Variants in CDH13 observed in about 807,000 individuals in gnomAD.
CDH13 encodes the protein cadherin 13.
Under a neutral mutation model 63.8 loss-of-function variants are expected in CDH13, and 24 were observed. That is an observed-to-expected ratio of 0.38 (90% CI 0.27 to 0.53). The LOEUF (loss-of-function observed/expected upper bound fraction) is 0.53. Ranked by LOEUF, CDH13 falls within the 20% of genes least tolerant of loss-of-function variation. CDH13 has a pLI of 0.85. For synonymous variants in CDH13, 503 were observed against 355.3 expected, an observed-to-expected ratio of 1.42 and a Z score of -4.67; for missense variants, 1,049 against 903.1, an observed-to-expected ratio of 1.16 and a Z score of -2.07.
chr16:82,923,308 G>T lies in CDH13; in HGVS notation c.157+64835G>T, dbSNP rs559914655. ...AACATTTGTTCCATGAGTGAAGTGA[G>T]TTTAAGGACTGGTGTGCATGGTATG... is the stretch of plus-strand genomic sequence containing the variant. On this transcript the variant is annotated intron_variant, in intron 2 of 13. Transcript: ENST00000567109. Among the ~76,000 whole-genome samples, 7 of 152,370 alleles carry T rather than the reference G, an allele frequency of 4.6e-5. No individual in the cohort carries two copies. The East Asian group carries it at 1.4e-3, about 29-fold the overall frequency.
At chr16:83,521,094 A>T (rs950742107) in intron 7 of CDH13, among the ~76,000 whole-genome samples, 1 of 152,208 alleles carries the variant, frequency 6.6e-6, no homozygotes, top group Non-Finnish European at 1.5e-5. Context: ...TTCAGTAAAC[A>T]TATTTAGGTA....
chr16:83,798,693 G>A lies in CDH13; in HGVS notation c.*3663G>A, dbSNP rs1464396152. 6.6e-6 allele frequency: 1 copy of A among 152,172 alleles called. No homozygotes were observed. The highest frequency in any genetic ancestry group is 1.5e-5 in the Non-Finnish European group (1 of 68,048). The allele number at this position is 152,172 out of a possible 1,614,324, so 9.4% of individuals were successfully genotyped here. Reference sequence around the variant, plus strand: ...ACAAAGTGCCTACTGCAGACCGGAAGACCCTCGTTTGAAGCCTCCATTAGC... The same window carrying A: ...ACAAAGTGCCTACTGCAGACCGGAAAACCCTCGTTTGAAGCCTCCATTAGC... On this transcript the variant is annotated 3_prime_UTR_variant, in exon 14 of 14. Coordinates refer to ENST00000567109, the MANE Select transcript of CDH13 (RefSeq NM_001257.5).
At chr16:82,817,037 G>T (rs182782188) in intron 1 of CDH13, among the ~76,000 whole-genome samples, 5 of 152,212 alleles carry the variant, frequency 3.3e-5, no homozygotes, top group Admixed American at 3.3e-4. Flanking sequence ...AAGCCACTAT[G>T]CAGTTGTGAG....
intron 8 of CDH13, among the ~76,000 whole-genome samples, chr16:83,661,760 C>T (rs1001663292): frequency 2.6e-5 from 4 of 152,202 alleles, no homozygotes; most frequent in Admixed American, 6.5e-5. Flanking sequence ...CCTCAAAAGC[C>T]ATGGACTCAG....
At chr16:83,191,518 C>CAA (rs1203955635) in intron 4 of CDH13, among the ~76,000 whole-genome samples, 6 of 86,730 alleles carry the variant, frequency 6.9e-5, no homozygotes, top group Non-Finnish European at 1.1e-4. Flanking sequence ...CACACACACA[C>CAA]ACACACACAC....
intron 3 of CDH13, among the ~76,000 whole-genome samples, chr16:83,090,586 A>T (rs546271008): frequency 4.7e-5 from 7 of 149,972 alleles, no homozygotes; most frequent in Non-Finnish European, 1.0e-4. Flanking sequence ...AAAAAAAAAA[A>T]AAAATAAGTG....
chr16:83,549,980 A>G (rs2075461042), intron 7 of CDH13, among the ~76,000 whole-genome samples: 1 of 152,188 alleles, frequency 6.6e-6, no homozygotes. Context: ...TTCATATAGA[A>G]AGGAGACAGG....
At chr16:83,437,828 A>T (rs961952989) in intron 6 of CDH13, among the ~76,000 whole-genome samples, 15 of 152,200 alleles carry the variant, frequency 9.9e-5, no homozygotes, top group Admixed American at 7.2e-4. Context: ...AAAGGGTAGA[A>T]ATTAATGTGG....
chr16:82,912,710 G>A (rs575273317), intron 2 of CDH13, among the ~76,000 whole-genome samples: 3 of 152,188 alleles, frequency 2.0e-5, no homozygotes, highest in Non-Finnish European at 4.4e-5. Flanking sequence ...TTGGGAGGCC[G>A]AGGTGGGCGG....
At chr16:83,128,152 A>C (rs2035892588) in intron 4 of CDH13, among the ~76,000 whole-genome samples, 1 of 152,230 alleles carries the variant, frequency 6.6e-6, no homozygotes. Flanking sequence ...TGCAGATGTC[A>C]GGGCTCCACC....
rs180865178 is a variant in CDH13 at position 83,707,131 on chromosome 16, C to T, written c.1538+28670C>T. 1.6e-3 allele frequency among the ~76,000 whole-genome samples: 242 copies of T among 152,264 alleles called. 1 individual carries two copies. The highest frequency in any genetic ancestry group is 6.8e-3 in the Middle Eastern group (2 of 294). On this transcript the variant is annotated intron_variant, in intron 10 of 13. Transcript: ENST00000567109. ...AAGCAGAATATGGGTGTACTGTTCC[C>T]GCTTCCCAATATGCCATGCATGTTC...
chr16:82,915,966 G>T (rs565710097), intron 2 of CDH13, among the ~76,000 whole-genome samples: 1 of 151,940 alleles, frequency 6.6e-6, no homozygotes, highest in Non-Finnish European at 1.5e-5. Context: ...CTTTAAAGGA[G>T]GTGTTCAAAG....
intron 1 of CDH13, among the ~76,000 whole-genome samples, chr16:82,847,441 C>T (rs2151145052): frequency 6.6e-6 from 1 of 152,316 alleles, no homozygotes; most frequent in Non-Finnish European, 1.5e-5. Context: ...CCTCCATCTT[C>T]AAAGTCAGCA....
intron 2 of CDH13, among the ~76,000 whole-genome samples, chr16:82,977,819 A>G (rs1909730208): frequency 6.6e-6 from 1 of 152,184 alleles, no homozygotes; most frequent in Admixed American, 6.5e-5. Context: ...GGCTCAGAAG[A>G]AGACAGGAAA....
At chr16:82,926,939 C>T (rs1259158458) in intron 2 of CDH13, among the ~76,000 whole-genome samples, 1 of 152,160 alleles carries the variant, frequency 6.6e-6, no homozygotes, top group Non-Finnish European at 1.5e-5. Context: ...TTGTTTTACT[C>T]ACAAATGTGT....
intron 3 of CDH13, among the ~76,000 whole-genome samples, chr16:83,077,181 C>CTTTTTTTTTTTTTTTTTTT (rs1160572033): frequency 1.1e-5 from 1 of 93,462 alleles, no homozygotes; most frequent in Non-Finnish European, 2.1e-5. Context: ...TCTTTTTTTT[C>CTTTTTTTTTTTTTTTTTTT]TTTTCTTTTT....
intron 7 of CDH13, among the ~76,000 whole-genome samples, chr16:83,506,164 A>G (rs1049617537): frequency 6.6e-6 from 1 of 152,202 alleles, no homozygotes; most frequent in Non-Finnish European, 1.5e-5. Flanking sequence ...TAAAAAGGCC[A>G]AGGGGAGGAA....
At chr16:83,708,410 C>T (rs1907477291) in intron 10 of CDH13, among the ~76,000 whole-genome samples, 1 of 152,184 alleles carries the variant, frequency 6.6e-6, no homozygotes, top group African/African-American at 2.4e-5. Flanking sequence ...TAAGCCAGTC[C>T]TTTCACTTTC....
intron 1 of CDH13, among the ~76,000 whole-genome samples, chr16:82,761,021 T>TTTC (rs2034825899): frequency 3.0e-5 from 1 of 33,368 alleles, no homozygotes; most frequent in Non-Finnish European, 5.0e-5. Context: ...TTCTTTCTTT[T>TTTC]TTTTTTTTTT....
Sources: allele counts gnomAD v4.1 joint callset (sites outside exome capture counted in the v4.1 genomes callset), GRCh38; gene constraint gnomAD v4.1.1; transcripts MANE v1.5; gene names NCBI Gene and HGNC (gene_info 2026-07-23, HGNC 2026-07-21).